Variants in CFAP77 observed in about 807,000 individuals in gnomAD.
CFAP77 encodes cilia- and flagella-associated protein 77.
CFAP77 carries 25 observed loss-of-function variants against 31.1 expected under a neutral mutation model. That is an observed-to-expected ratio of 0.80 (90% CI 0.59 to 1.12). The LOEUF (loss-of-function observed/expected upper bound fraction) is 1.12. CFAP77 is among the 50% of genes most tolerant of loss of function. The pLI, the probability that CFAP77 is intolerant of heterozygous loss-of-function variation, is 0.00. For missense variants in CFAP77, 377 were observed against 397.3 expected (o/e 0.95, Z 0.44); for synonymous variants, 151 against 159.9 (o/e 0.94, Z 0.42).
At chr9:132,426,330 T>C (rs1048234308) in intron 1 of CFAP77, among the ~76,000 whole-genome samples, 6 of 152,230 alleles carry the variant, frequency 3.9e-5, no homozygotes, top group African/African-American at 1.2e-4. Flanking sequence ...AGAGAGAGGA[T>C]TGCAGAACTT....
Position 132,489,212 on chromosome 9 carries a change from A to G in CFAP77, c.196-9483A>G, listed in dbSNP as rs115997575. On this transcript the variant is annotated intron_variant, in intron 1 of 5. Coordinates refer to ENST00000393216, the MANE Select transcript of CFAP77 (RefSeq NM_001282957.2). ...TCTTAAAAGACCTTGTGGATTTTGC[A>G]TGAGATGTCCTAAAAATTCAGACAT... 6.9e-3 allele frequency among the ~76,000 whole-genome samples: 1,044 copies of G among 152,336 alleles called. 22 individuals are homozygous for G. Among genetic ancestry groups the G allele is most frequent in the African/African-American group, 0.024 (997 of 41,568 alleles).
intron 1 of CFAP77, among the ~76,000 whole-genome samples, chr9:132,463,443 G>A (rs932224171): frequency 2.0e-5 from 3 of 152,274 alleles, no homozygotes; most frequent in African/African-American, 7.2e-5. Context: ...AAAAAGTCAG[G>A]AAGCTGGGAC....
chr9:132,511,727 T>C lies in CFAP77; in HGVS notation c.524+12127T>C, dbSNP rs1472208449. Among the ~76,000 whole-genome samples the C allele has an allele frequency of 6.6e-6, 1 of 152,224 alleles. No individual in the cohort carries two copies. The highest frequency in any genetic ancestry group is 1.5e-5 in the Non-Finnish European group (1 of 68,030). On this transcript the variant is annotated intron_variant, in intron 3 of 5. Transcript: ENST00000393216. The surrounding 1 kb of genome is among the most constrained non-coding windows in gnomAD (Gnocchi z 5.8). Reference sequence around the variant, plus strand: ...TCGTTTGTTAATTTCCTGGGGTTTCTGAAACAAATTACCACACGTTCAATG... The same window carrying C: ...TCGTTTGTTAATTTCCTGGGGTTTCCGAAACAAATTACCACACGTTCAATG...
In CFAP77 at chr9:132,499,335, G is replaced by A; in HGVS notation, c.296-37G>A. 1 of 1,597,950 alleles carries A rather than the reference G, an allele frequency of 6.3e-7. No homozygotes were observed. The highest frequency in any genetic ancestry group is 1.1e-5 in the South Asian group (1 of 90,512). On this transcript the variant is annotated intron_variant, in intron 2 of 5. Transcript: ENST00000393216. This position sits in a 1 kb window ranked among gnomAD's most constrained non-coding sequence, Gnocchi z 5.4. ...GCTGCCTCAGGGTGCTTACTCCCAG[G>A]CTGACCACTGCCCCGTGGGTCTCTC...
intron 1 of CFAP77, among the ~76,000 whole-genome samples, chr9:132,457,024 C>T (rs552574102): frequency 4.6e-4 from 70 of 152,252 alleles, no homozygotes; most frequent in African/African-American, 1.7e-3. Context: ...GGATTACAGG[C>T]ACCTGGCCCC....
intron 1 of CFAP77, among the ~76,000 whole-genome samples, chr9:132,464,614 T>G (rs1851118959): frequency 6.6e-6 from 1 of 152,230 alleles, no homozygotes; most frequent in South Asian, 2.1e-4. Flanking sequence ...ATAAAATTAT[T>G]AATGAGCCCG....
At chr9:132,536,869 C>T (rs1434217686) in intron 3 of CFAP77, among the ~76,000 whole-genome samples, 2 of 152,154 alleles carry the variant, frequency 1.3e-5, no homozygotes, top group African/African-American at 4.8e-5. Flanking sequence ...TTTTACCCTT[C>T]TCATCTGTAA....
In CFAP77 at chr9:132,532,438, C is replaced by A. The variant is rs554989935; in HGVS notation, c.525-5163C>A. ...GGGCGGAAGGGGAACTTTTACTCAGCGCCGGCCAATTGCTGCAGCCAGGAG... is the reference window on the plus strand; with the variant it reads ...GGGCGGAAGGGGAACTTTTACTCAGAGCCGGCCAATTGCTGCAGCCAGGAG... On this transcript the variant is annotated intron_variant, in intron 3 of 5. Transcript: ENST00000393216. Among the ~76,000 whole-genome samples the A allele has an allele frequency of 1.2e-3, 179 of 152,310 alleles. 1 individual carries two copies. Among genetic ancestry groups the A allele is most frequent in the African/African-American group, 4.3e-3 (177 of 41,562 alleles).
chr9:132,417,994 C>T (rs139562128), intron 1 of CFAP77, among the ~76,000 whole-genome samples: 33 of 152,352 alleles, frequency 2.2e-4, no homozygotes, highest in African/African-American at 7.2e-4. Context: ...GCACTCATGC[C>T]GAGCTTACCC....
intron 1 of CFAP77, among the ~76,000 whole-genome samples, chr9:132,438,548 T>A (rs1469426444): frequency 2.5e-4 from 36 of 142,600 alleles, no homozygotes; most frequent in African/African-American, 8.0e-4. Context: ...TATATTTTTT[T>A]TTTTTTTTTT....
rs1047749634 is a variant in CFAP77, at chr9:132,480,926, G to T, written c.196-17769G>T. Among the ~76,000 whole-genome samples, 1 of 152,128 alleles carries T rather than the reference G, an allele frequency of 6.6e-6. No homozygotes were observed. The highest frequency in any genetic ancestry group is 2.4e-5 in the African/African-American group (1 of 41,406). ...CCCCCATTGTGGTCCGGGGGCCCCT[G>T]TTATCAAAACAAGCCACAGACAGTC... is the stretch of plus-strand genomic sequence containing the variant. On this transcript the variant is annotated intron_variant, in intron 1 of 5. Coordinates refer to ENST00000393216, the MANE Select transcript of CFAP77 (RefSeq NM_001282957.2). The surrounding 1 kb of genome is among the most constrained non-coding windows in gnomAD (Gnocchi z 5.8).
intron 1 of CFAP77, among the ~76,000 whole-genome samples, chr9:132,459,857 TGTGA>T (rs1266913646): frequency 8.6e-5 from 13 of 151,488 alleles, no homozygotes; most frequent in Non-Finnish European, 1.8e-4. Flanking sequence ...TGAGTCTGTG[TGTGA>T]GTGTGTGTAT....
chr9:132,544,940 C>G (rs1051447212), intron 5 of CFAP77, among the ~76,000 whole-genome samples: 1 of 152,108 alleles, frequency 6.6e-6, no homozygotes, highest in Non-Finnish European at 1.5e-5. Context: ...CACTCAGCCC[C>G]CTCCTCTCTG....
Position 132,424,427 on chromosome 9 carries a change from G to T in CFAP77, c.195+13961G>T, listed in dbSNP as rs932563298. On this transcript the variant is annotated intron_variant, in intron 1 of 5. Coordinates refer to ENST00000393216, the MANE Select transcript of CFAP77 (RefSeq NM_001282957.2). This position sits in a 1 kb window ranked among gnomAD's most constrained non-coding sequence, Gnocchi z 4.1. ...AAAACAAAAAAAAAAGAGTTAGGAA[G>T]AGGGAGCAGCCCTGGCCTGGCCTGG... is the stretch of plus-strand genomic sequence containing the variant. Among the ~76,000 whole-genome samples, 2 of 152,132 alleles carry T rather than the reference G, an allele frequency of 1.3e-5. No individual in the cohort carries two copies. The highest frequency in any genetic ancestry group is 4.8e-5 in the African/African-American group (2 of 41,456).
At chr9:132,500,860 C>G (rs78202435) in intron 3 of CFAP77, among the ~76,000 whole-genome samples, 1 of 152,134 alleles carries the variant, frequency 6.6e-6, no homozygotes, top group African/African-American at 2.4e-5. Flanking sequence ...ACAGGCCACA[C>G]GCAAGTAGGG....
intron 5 of CFAP77, among the ~76,000 whole-genome samples, chr9:132,568,660 A>G (rs948019853): frequency 1.3e-5 from 2 of 152,182 alleles, no homozygotes; most frequent in African/African-American, 4.8e-5. Context: ...AAAAATCTCC[A>G]ATAAACAAAA....
chr9:132,516,901 A>G (rs1211058022), intron 3 of CFAP77, among the ~76,000 whole-genome samples: 1 of 152,236 alleles, frequency 6.6e-6, no homozygotes, highest in Admixed American at 6.5e-5. Context: ...TGTAGGCACA[A>G]GCAAAGTGCT....
At position 132,531,631 on chromosome 9, in the gene CFAP77, G is replaced by C. The variant is rs1047876088; in HGVS notation, c.525-5970G>C. ...CTGGGCTTAGGCTAAGACATGGGGGGGGGGGCATGGAAGGCATTTTAAGCA... is the reference window on the plus strand; with the variant it reads ...CTGGGCTTAGGCTAAGACATGGGGGCGGGGGCATGGAAGGCATTTTAAGCA... On this transcript the variant is annotated intron_variant, in intron 3 of 5. Transcript: ENST00000393216. Among the ~76,000 whole-genome samples the C allele has an allele frequency of 1.2e-4, 17 of 143,602 alleles. 1 individual carries two copies. The highest frequency in any genetic ancestry group is 1.1e-3 in the South Asian group (5 of 4,408). The allele number at this position is 143,602 out of a possible 152,430, so 94.2% of individuals were successfully genotyped here. A position where few individuals can be genotyped will look rare whatever the true frequency, so the allele number is the denominator to read the frequency against.
intron 1 of CFAP77, among the ~76,000 whole-genome samples, chr9:132,486,596 C>T (rs1052616646): frequency 2.8e-4 from 43 of 152,224 alleles, no homozygotes; most frequent in African/African-American, 1.0e-3. Flanking sequence ...TAGTTCCTTC[C>T]AACCTCTCAC....
Sources: allele counts gnomAD v4.1 joint callset (sites outside exome capture counted in the v4.1 genomes callset), GRCh38; gene constraint gnomAD v4.1.1; non-coding constraint Gnocchi (gnomAD v3.1); transcripts MANE v1.5; gene names NCBI Gene and HGNC (gene_info 2026-07-23, HGNC 2026-07-21).